NSMAF: variants seen among roughly 807,000 people sequenced by gnomAD.
NSMAF encodes the protein protein FAN.
In NSMAF, 90 loss-of-function variants were observed where a neutral mutation model predicts 134.9. The ratio of observed to expected loss-of-function variants is 0.67; its 90% CI spans 0.56 to 0.79. The LOEUF (loss-of-function observed/expected upper bound fraction) is 0.79, where lower values mean the gene tolerates loss of function less well. Ranked by LOEUF, NSMAF falls within the 30% of genes least tolerant of loss-of-function variation. The probability of loss-of-function intolerance (pLI) is 0.00; values close to 1 mark genes in which losing one functional copy is unlikely to be tolerated. For missense variants in NSMAF, 1,010 were observed against 1,119.0 expected (o/e 0.90, Z 1.39); for synonymous variants, 358 against 389.6 (o/e 0.92, Z 0.96).
At position 58,583,837 on chromosome 8, in the gene NSMAF, G is replaced by GTCT; in HGVS notation, c.*266_*268dup. On this transcript the variant is annotated 3_prime_UTR_variant, in exon 31 of 31. Coordinates refer to ENST00000038176, the MANE Select transcript of NSMAF (RefSeq NM_003580.4). ...TAGCTATTCTCTGCTACTTAGTCCT[G>GTCT]TCTTCTGACAATCATCATACGGGGA... is the stretch of plus-strand genomic sequence containing the variant. The GTCT allele has an allele frequency of 2.3e-6, 1 of 432,752 alleles. No individual in the cohort carries two copies. Among genetic ancestry groups the GTCT allele is most frequent in the Admixed American group, 4.0e-5 (1 of 25,238 alleles). 26.8% of individuals were successfully genotyped at this position (432,752 alleles called of 1,614,324 possible). A position where few individuals can be genotyped will look rare whatever the true frequency, so the allele number is the denominator to read the frequency against.
Position 58,585,754 on chromosome 8 carries a change from C to A in NSMAF, c.2557G>T (p.Val853Phe), listed in dbSNP as rs991927859. 1 of 1,613,930 alleles carries A rather than the reference C, an allele frequency of 6.2e-7. No homozygotes were observed. The highest frequency in any genetic ancestry group is 1.1e-5 in the South Asian group (1 of 91,080). Residue 853 changes from valine to phenylalanine, a missense_variant, in exon 30 of 31, where the codon GTC (valine) becomes TTC (phenylalanine). By Grantham distance (50) the Val-to-Phe change is conservative. Coordinates refer to ENST00000038176, the MANE Select transcript of NSMAF (RefSeq NM_003580.4). ...MTSDEPQRCF[V>F]WDGNSVLSGS... The stretch of plus-strand genomic sequence containing the variant: ...GATAAAACGGAATTTCCATCCCAGA[C>A]AAAGCACCTGCAAGAATGATTTAGA...
At chr8:58,597,350 A>C (rs776194970) in intron 21 of NSMAF, 37 bp downstream of exon 21, 13 of 1,572,544 alleles carry the variant, frequency 8.3e-6, no homozygotes, top group Non-Finnish European at 1.0e-5. Context: ...GAAGAGAAAC[A>C]AAAGGTGCTC....
intron 1 of NSMAF, among the ~76,000 whole-genome samples, chr8:58,645,916 C>T (rs1011051025): frequency 6.6e-6 from 1 of 152,068 alleles, no homozygotes; most frequent in Admixed American, 6.6e-5. Flanking sequence ...TGGCGGGCGC[C>T]TATAATCCCA....
At chr8:58,640,181 A>G (rs762660803) in intron 2 of NSMAF, 1 of 409,932 alleles carries the variant, frequency 2.4e-6, no homozygotes, top group South Asian at 1.8e-5. Context: ...AGTAGATCTT[A>G]TATGTTCTTA....
chr8:58,638,580 A>G (rs75989158), intron 2 of NSMAF, among the ~76,000 whole-genome samples: 7 of 150,034 alleles, frequency 4.7e-5, no homozygotes, highest in South Asian at 2.1e-4. Context: ...ATCCCCGTGG[A>G]AAAAAAAAAG....
chr8:58,587,293 T>C (rs1379256981), intron 27 of NSMAF, among the ~76,000 whole-genome samples: 1 of 152,190 alleles, frequency 6.6e-6, no homozygotes, highest in Non-Finnish European at 1.5e-5. Context: ...TGAAGGATCA[T>C]AGGCCCTATC....
intron 9 of NSMAF, among the ~76,000 whole-genome samples, chr8:58,613,897 T>A (rs919010357): frequency 6.6e-6 from 1 of 152,212 alleles, no homozygotes; most frequent in Non-Finnish European, 1.5e-5. Context: ...ACCATCATGT[T>A]GGCACTCAAA....
intron 23 of NSMAF, among the ~76,000 whole-genome samples, chr8:58,593,511 C>A (rs1333123536): frequency 1.3e-5 from 2 of 152,258 alleles, no homozygotes; most frequent in African/African-American, 2.4e-5. Flanking sequence ...CAAACTTTGT[C>A]AGAACAAGTT....
rs752159388 is a variant in NSMAF, at chr8:58,585,977, C to T, written c.2470G>A (p.Gly824Arg). ...ATGACATTAAGACAGCCATCTGTTC[C>T]TGTGCTGAGGACATGGCGACTATCT... The part of the protein sequence containing the change: ...SPDSRHVLST[G>R]TDGCLNVIDV... Residue 824 changes from glycine to arginine, a missense_variant, in exon 29 of 31, where the codon GGA becomes AGA. Physicochemically the swap from Gly to Arg is moderately radical, Grantham distance 125 (BLOSUM62 -2). Coordinates refer to ENST00000038176, the MANE Select transcript of NSMAF (RefSeq NM_003580.4). 52 of 1,613,874 alleles carry T rather than the reference C, an allele frequency of 3.2e-5. No individual in the cohort carries two copies. Among genetic ancestry groups the T allele is most frequent in the Non-Finnish European group, 4.4e-5 (52 of 1,179,958 alleles).
rs540074514 is a variant in NSMAF at position 58,609,789 on chromosome 8, A to G, written c.558-56T>C. On this transcript the variant is annotated intron_variant, in intron 9 of 30. Coordinates refer to ENST00000038176, the MANE Select transcript of NSMAF (RefSeq NM_003580.4). ...AAAATCAGAAATTGATCTACTTTCT[A>G]GGTTTATCTAAGGGAGCTACAGTGT... 6 of 1,564,920 alleles carry G rather than the reference A, an allele frequency of 3.8e-6. No homozygotes were observed. In the East Asian group the frequency reaches 1.1e-4, roughly 29 times the overall value.
chr8:58,654,103 C>A (rs530139113), intron 1 of NSMAF, among the ~76,000 whole-genome samples: 1 of 152,260 alleles, frequency 6.6e-6, no homozygotes, highest in Admixed American at 6.5e-5. Context: ...GCATTCCTGA[C>A]GAATTAAGTC....
intron 11 of NSMAF, among the ~76,000 whole-genome samples, chr8:58,606,533 A>G (rs904781512): frequency 2.6e-5 from 4 of 152,180 alleles, no homozygotes; most frequent in Admixed American, 2.6e-4. Context: ...CTCCCACCTC[A>G]GCCTCTCGAG....
chr8:58,620,643 T>C (rs1806765462), intron 9 of NSMAF, among the ~76,000 whole-genome samples: 1 of 152,204 alleles, frequency 6.6e-6, no homozygotes, highest in Non-Finnish European at 1.5e-5. Context: ...ACCTTTGATA[T>C]TGTCAATGAA....
intron 11 of NSMAF, among the ~76,000 whole-genome samples, chr8:58,606,606 T>C (rs962150058): frequency 3.3e-5 from 5 of 152,112 alleles, no homozygotes; most frequent in Non-Finnish European, 7.4e-5. Context: ...ACCTAACAAA[T>C]TGATAATTGA....
chr8:58,585,020 G>T (rs903683643), intron 30 of NSMAF, among the ~76,000 whole-genome samples: 1 of 152,136 alleles, frequency 6.6e-6, no homozygotes, highest in African/African-American at 2.4e-5. Flanking sequence ...CTTACAGTGG[G>T]AACTCAAGGG....
chr8:58,618,367 T>C (rs1356720334), intron 9 of NSMAF, among the ~76,000 whole-genome samples: 1 of 152,020 alleles, frequency 6.6e-6, no homozygotes, highest in Non-Finnish European at 1.5e-5. Flanking sequence ...TATGATTTTA[T>C]ATTTTTAATG....
chr8:58,586,034 C>T, intron 28 of NSMAF, 34 bp from the exon 29 acceptor site: 2 of 1,494,448 alleles, frequency 1.3e-6, no homozygotes, highest in Non-Finnish European at 1.9e-6. Flanking sequence ...ATATGAGTGA[C>T]AGCTTCAGAA....
Position 58,601,498 on chromosome 8 carries a change from T to C in NSMAF, c.1163A>G (p.Tyr388Cys), listed in dbSNP as rs147866066. Residue 388 changes from tyrosine (Y) to cysteine (C), a missense_variant, in exon 15 of 31, where the codon TAT becomes TGT. Coordinates refer to ENST00000038176, the MANE Select transcript of NSMAF (RefSeq NM_003580.4). The part of the protein sequence containing the change: ...YQEMPEPKFM[Y>C]GSHYSSPGYV... ...ACCCGGGGAAGAGTAGTGACTCCCA[T>C]ACATGAACTTTGGTTCAGGCATTTC... 137 of 1,608,628 alleles carry C rather than the reference T, an allele frequency of 8.5e-5. No individual in the cohort carries two copies. Among genetic ancestry groups the C allele is most frequent in the Middle Eastern group, 1.6e-4 (1 of 6,064 alleles).
chr8:58,597,467 G>T lies in NSMAF; in HGVS notation c.1712C>A (p.Pro571Gln). 2.5e-6 allele frequency: 4 copies of T among 1,613,930 alleles called. No individual in the cohort carries two copies. Among genetic ancestry groups the T allele is most frequent in the Non-Finnish European group, 3.4e-6 (4 of 1,179,802 alleles). ...GQTPKQLFVT[P>Q]HPRRITPKFK... ...CTTTGGGGTGATCCTTCGAGGATGT[G>T]GTGTCACAAATAGTTGTTTTGGTGT... The change falls in exon 21 of 31, where the codon CCA becomes CAA. Residue 571 changes from proline to glutamine, a missense_variant. Pro to Gln is a moderately conservative substitution (Grantham distance 76, BLOSUM62 -1). Transcript: ENST00000038176.
Sources: allele counts gnomAD v4.1 joint callset (sites outside exome capture counted in the v4.1 genomes callset), GRCh38; gene constraint gnomAD v4.1.1; transcripts MANE v1.5; gene names NCBI Gene and HGNC (gene_info 2026-07-23, HGNC 2026-07-21).